The following POSTN variants were observed in gnomAD, a reference collection of about 807,000 sequenced individuals.
POSTN encodes the protein periostin, also known as osteoblast specific factor 2 (fasciclin I-like).
In POSTN, 71 loss-of-function variants were observed where a neutral mutation model predicts 104.5. The observed-to-expected ratio is 0.68, with a 90% CI of 0.56 to 0.83. The LOEUF (loss-of-function observed/expected upper bound fraction) is 0.83. POSTN is among the 40% of genes least tolerant of loss of function. POSTN has a pLI of 0.00. For synonymous variants in POSTN, 355 were observed against 340.7 expected, an observed-to-expected ratio of 1.04 and a Z score of -0.46; for missense variants, 949 against 1,006.8, an observed-to-expected ratio of 0.94 and a Z score of 0.78.
chr13:37,591,464 G>A (rs1950932794), intron 3 of POSTN, among the ~76,000 whole-genome samples: 1 of 152,110 alleles, frequency 6.6e-6, no homozygotes, highest in Non-Finnish European at 1.5e-5. Context: ...TATCAGTCTA[G>A]GTTTGTATTC....
In POSTN at chr13:37,584,805, A is replaced by G; in HGVS notation, c.1019T>C (p.Val340Ala). The G allele has an allele frequency of 6.2e-7, 1 of 1,613,908 alleles. No individual in the cohort carries two copies. Residue 340 changes from valine (V) to alanine (A), a missense_variant, in exon 8 of 23, where the codon GTA becomes GCA. Physicochemically the swap from Val to Ala is moderately conservative, Grantham distance 64 (BLOSUM62 0). Transcript: ENST00000379747. ...TTTGTTCACCATTTTGATTCCATTT[A>G]CTGTTATACTGTCACCGTCACATCC... ...EIGCDGDSIT[V>A]NGIKMVNKKD... is the part of the protein sequence containing the mutation.
intron 8 of POSTN, among the ~76,000 whole-genome samples, 193 bp downstream of exon 8, chr13:37,584,523 A>G (rs192917655): frequency 9.9e-5 from 15 of 152,282 alleles, no homozygotes; most frequent in African/African-American, 3.1e-4. Context: ...CCAAAGATTC[A>G]TGCATGGAGT....
rs780005084 is a variant in POSTN at position 37,564,530 on chromosome 13, T to C, written c.2462A>G (p.Lys821Arg). 9 of 1,600,978 alleles carry C rather than the reference T, an allele frequency of 5.6e-6. No individual in the cohort carries two copies. In the East Asian group the frequency reaches 2.0e-4, roughly 36 times the overall value. Residue 821 changes from lysine to arginine, a missense_variant, in exon 22 of 23, where the codon AAA (lysine) becomes AGA (arginine). Coordinates refer to ENST00000379747, the MANE Select transcript of POSTN (RefSeq NM_006475.3). ...DTPVRKLQAN[K>R]KVQGSRRRLR... ...GCCAATACACTTACCTTGAACTTTT[T>C]TGTTGGCTTGCAACTTCCTCACGGG... is the stretch of plus-strand genomic sequence containing the variant.
At chr13:37,564,200 A>G (rs1166050817) in intron 22 of POSTN, among the ~76,000 whole-genome samples, 1 of 108,348 alleles carries the variant, frequency 9.2e-6, no homozygotes, top group African/African-American at 3.8e-5. Flanking sequence ...ATATATATAT[A>G]TATATATATA....
intron 21 of POSTN, among the ~76,000 whole-genome samples, chr13:37,567,246 A>AAAAAAAAAAAAG (rs1950137526): frequency 6.9e-6 from 1 of 144,468 alleles, no homozygotes; most frequent in Non-Finnish European, 1.5e-5. Context: ...AAAAAAAAAA[A>AAAAAAAAAAAAG]AAAAAAATGT....
rs1950747124 is a variant in POSTN at position 37,586,416 on chromosome 13, A to G, written c.754-136T>C. The G allele has an allele frequency of 1.0e-5, 10 of 959,700 alleles. No homozygotes were observed. The South Asian group carries it at 2.0e-4, about 19-fold the overall frequency. The allele number at this position is 959,700 out of a possible 1,614,324, so 59.4% of individuals were successfully genotyped here. On this transcript the variant is annotated intron_variant, in intron 6 of 22. Transcript: ENST00000379747. ...TTTGTTGTTGTTAAATCTTCAAAAT[A>G]TTACTTTTTGACACAACCATGTCTT...
At chr13:37,565,077 A>G (rs138764653) in intron 21 of POSTN, 2 of 152,218 alleles carry the variant, frequency 1.3e-5, no homozygotes, top group African/African-American at 4.8e-5. Flanking sequence ...TAATGATTCT[A>G]GAAATGTTAT....
intron 9 of POSTN, 116 bp downstream of exon 9, chr13:37,583,853 A>G: frequency 1.6e-6 from 2 of 1,247,026 alleles, no homozygotes; most frequent in Admixed American, 2.6e-5. Flanking sequence ...TGTGTAGCCA[A>G]TGCAGAAACT....
rs1158506212 is a variant in POSTN at position 37,582,392 on chromosome 13, G to C, written c.1366C>G (p.Gln456Glu). 6.2e-7 allele frequency: 1 copy of C among 1,613,402 alleles called. No individual in the cohort carries two copies. Among genetic ancestry groups the C allele is most frequent in the African/African-American group, 1.3e-5 (1 of 74,864 alleles). ...GTACGATATACGAAGACTCTGAGCT[G>C]TTTGCCTCCGATGGTTTCCAGTATT... is the stretch of plus-strand genomic sequence containing the variant. ...GQILETIGGK[Q>E]LRVFVYRTAV... Residue 456 changes from glutamine (Q) to glutamate (E), a missense_variant, in exon 10 of 23, where the codon CAG (glutamine) becomes GAG (glutamate). Physicochemically the swap from Gln to Glu is conservative, Grantham distance 29. Coordinates refer to ENST00000379747, the MANE Select transcript of POSTN (RefSeq NM_006475.3).
intron 17 of POSTN, among the ~76,000 whole-genome samples, chr13:37,573,260 A>G (rs967821429): frequency 1.3e-5 from 2 of 151,566 alleles, no homozygotes; most frequent in African/African-American, 4.8e-5. Flanking sequence ...CAATTGTATT[A>G]TCAAAGATCA....
At chr13:37,592,035 A>G (rs1950949396) in intron 3 of POSTN, 65 bp downstream of exon 3, 2 of 1,163,022 alleles carry the variant, frequency 1.7e-6, no homozygotes, top group South Asian at 1.3e-5. Context: ...TGGCTTCTCC[A>G]CAAGCCACCT....
Position 37,583,838 on chromosome 13 carries a change from T to C in POSTN, c.1243+131A>G, listed in dbSNP as rs1004717521. On this transcript the variant is annotated intron_variant, in intron 9 of 22. Coordinates refer to ENST00000379747, the MANE Select transcript of POSTN (RefSeq NM_006475.3). ...GTAGAGACCATGTAGTGTTAACACA[T>C]TGTATGTGTAGCCAATGCAGAAACT... 4.7e-6 allele frequency: 5 copies of C among 1,059,564 alleles called. No homozygotes were observed. The African/African-American group carries it at 8.0e-5, about 17-fold the overall frequency. 65.6% of individuals were successfully genotyped at this position (1,059,564 alleles called of 1,614,324 possible).
intron 7 of POSTN, among the ~76,000 whole-genome samples, chr13:37,585,445 G>T (rs990702949): frequency 6.6e-6 from 1 of 152,166 alleles, no homozygotes; most frequent in Non-Finnish European, 1.5e-5. Context: ...TGTAATAGCT[G>T]CTCATAGCAG....
chr13:37,567,722 T>C (rs545822036), intron 21 of POSTN, among the ~76,000 whole-genome samples: 2 of 152,282 alleles, frequency 1.3e-5, no homozygotes, highest in South Asian at 4.1e-4. Context: ...TCTGGGATGA[T>C]CAGAGGCAAG....
intron 12 of POSTN, among the ~76,000 whole-genome samples, 193 bp downstream of exon 12, chr13:37,579,668 A>G (rs1021889210): frequency 2.1e-4 from 32 of 152,166 alleles, no homozygotes; most frequent in African/African-American, 7.2e-4. Flanking sequence ...CAACAACATA[A>G]CAGTTCACAG....
intron 2 of POSTN, 115 bp from the exon 3 acceptor site, chr13:37,592,279 A>T: frequency 1.5e-6 from 1 of 682,052 alleles, no homozygotes; most frequent in Non-Finnish European, 2.3e-6. Flanking sequence ...TCTAAAAATC[A>T]GGTTTTTTTT....
At position 37,562,608 on chromosome 13, in the gene POSTN, G is replaced by A. The variant is rs1409995614; in HGVS notation, c.*725C>T. ...AATTTCATTCAATTTCCTTTAATGA[G>A]TACTTGTTACAGTAAAAGAGGTATA... On this transcript the variant is annotated 3_prime_UTR_variant, in exon 23 of 23. Transcript: ENST00000379747. The A allele has an allele frequency of 2.6e-5, 4 of 152,114 alleles. No individual in the cohort carries two copies. The highest frequency in any genetic ancestry group is 2.6e-4 in the Admixed American group (4 of 15,278). The allele number at this position is 152,114 out of a possible 1,614,324, so 9.4% of individuals were successfully genotyped here. A position where few individuals can be genotyped will look rare whatever the true frequency, so the allele number is the denominator to read the frequency against.
At position 37,574,654 on chromosome 13, in the gene POSTN, T is replaced by G; in HGVS notation, c.2009-2A>C. On this transcript the variant is annotated splice_acceptor_variant, in intron 16 of 22. Coordinates refer to ENST00000379747, the MANE Select transcript of POSTN (RefSeq NM_006475.3). LOFTEE classifies it high-confidence loss of function. ...CAACTTTGGTTATAATTTTAGTTGCTGAAAGTATAGAAAGTGGAACATGAA... is the reference window on the plus strand; with the variant it reads ...CAACTTTGGTTATAATTTTAGTTGCGGAAAGTATAGAAAGTGGAACATGAA... The G allele has an allele frequency of 1.9e-6, 3 of 1,592,124 alleles. No homozygotes were observed. Among genetic ancestry groups the G allele is most frequent in the Admixed American group, 3.6e-5 (2 of 55,682 alleles).
In POSTN at chr13:37,570,686, A is replaced by T; in HGVS notation, c.2180-17T>A. On this transcript the variant is annotated splice_polypyrimidine_tract_variant and intron_variant, in intron 18 of 22. Transcript: ENST00000379747. Reference sequence around the variant, plus strand: ...TAATTGGCTCTAAAAGCAGGGGAATACAAATGCATTTGATTTACCCTCATA... The same window carrying T: ...TAATTGGCTCTAAAAGCAGGGGAATTCAAATGCATTTGATTTACCCTCATA... The T allele has an allele frequency of 3.4e-6, 5 of 1,483,252 alleles. No individual in the cohort carries two copies. The highest frequency in any genetic ancestry group is 4.7e-6 in the Non-Finnish European group (5 of 1,061,666). The allele number at this position is 1,483,252 out of a possible 1,614,324, so 91.9% of individuals were successfully genotyped here.
Sources: allele counts gnomAD v4.1 joint callset (sites outside exome capture counted in the v4.1 genomes callset), GRCh38; gene constraint gnomAD v4.1.1; transcripts MANE v1.5; gene names NCBI Gene and HGNC (gene_info 2026-07-23, HGNC 2026-07-21).